The following KCNG3 variants were observed in gnomAD, a reference collection of about 807,000 sequenced individuals.
KCNG3 encodes the protein voltage-gated potassium channel regulatory subunit KCNG3.
A neutral mutation model predicts 29.0 loss-of-function variants in KCNG3; 15 were observed. That is an observed-to-expected ratio of 0.52 (90% CI 0.35 to 0.80). The LOEUF is 0.80. Among genes scored for constraint, KCNG3 ranks in the 30% least tolerant of loss-of-function variants. The probability of loss-of-function intolerance (pLI) is 0.01; values close to 1 mark genes in which losing one functional copy is unlikely to be tolerated. For missense variants in KCNG3, 512 were observed against 605.7 expected (o/e 0.85, Z 1.62); for synonymous variants, 322 against 248.9 (o/e 1.29, Z -2.76).
chr2:42,412,884 C>G, the KCNG3 span, among the ~76,000 whole-genome samples: 1 of 151,960 alleles, frequency 6.6e-6, no homozygotes, highest in Non-Finnish European at 1.5e-5. Flanking sequence ...TTTTCCATTC[C>G]TTTATTTTTA....
At chr2:42,480,943 G>T (rs969100791) in intron 1 of KCNG3, among the ~76,000 whole-genome samples, 2 of 151,952 alleles carry the variant, frequency 1.3e-5, no homozygotes, top group African/African-American at 4.8e-5. Flanking sequence ...ATCACACCTG[G>T]CTAATTTTTC....
chr2:42,428,929 G>A, the KCNG3 span, among the ~76,000 whole-genome samples: 1 of 152,028 alleles, frequency 6.6e-6, no homozygotes, highest in African/African-American at 2.4e-5. Context: ...GACCAGCCTG[G>A]TCAACATGGT....
At chr2:42,421,420 T>G in the KCNG3 span, among the ~76,000 whole-genome samples, 1 of 152,202 alleles carries the variant, frequency 6.6e-6, no homozygotes, top group Non-Finnish European at 1.5e-5. Flanking sequence ...AACTAAGACC[T>G]AAAGGATAAT....
the KCNG3 span, among the ~76,000 whole-genome samples, chr2:42,404,699 G>A: frequency 6.6e-6 from 1 of 152,190 alleles, no homozygotes; most frequent in Non-Finnish European, 1.5e-5. Flanking sequence ...CTGCACTCCA[G>A]CCTGGGCAAC....
chr2:42,412,869 T>C, the KCNG3 span, among the ~76,000 whole-genome samples: 3 of 152,184 alleles, frequency 2.0e-5, no homozygotes, highest in Non-Finnish European at 2.9e-5. Context: ...GCGTCTGAAA[T>C]ACCTTTTTCC....
intron 1 of KCNG3, among the ~76,000 whole-genome samples, chr2:42,480,211 G>C (rs1054242353): frequency 1.3e-5 from 2 of 151,504 alleles, no homozygotes; most frequent in Non-Finnish European, 3.0e-5. Flanking sequence ...TTGGATCCAA[G>C]GGCGCTTAGC....
At chr2:42,415,525 G>C in the KCNG3 span, 1 of 152,164 alleles carries the variant, frequency 6.6e-6, no homozygotes, top group South Asian at 2.1e-4. Flanking sequence ...AAAATGAAGA[G>C]GATGTGGCAC....
intron 1 of KCNG3, among the ~76,000 whole-genome samples, chr2:42,476,448 G>C (rs1232619027): frequency 6.6e-6 from 1 of 151,854 alleles, no homozygotes; most frequent in East Asian, 1.9e-4. Flanking sequence ...CTGTAATCCA[G>C]CCTGGACAAC....
chr2:42,489,382 T>C (rs990572411), intron 1 of KCNG3, among the ~76,000 whole-genome samples: 12 of 152,090 alleles, frequency 7.9e-5, no homozygotes, highest in Non-Finnish European at 1.6e-4. Flanking sequence ...GAGTGAGATC[T>C]CTTCTCAATC....
intron 1 of KCNG3, among the ~76,000 whole-genome samples, chr2:42,451,017 C>T (rs769153294): frequency 2.0e-4 from 31 of 151,812 alleles, no homozygotes; most frequent in Non-Finnish European, 8.8e-5. Flanking sequence ...CCAGCCTGGC[C>T]AACATGGTGA....
the KCNG3 span, among the ~76,000 whole-genome samples, chr2:42,404,949 C>T: frequency 8.5e-5 from 13 of 152,322 alleles, no homozygotes; most frequent in African/African-American, 2.4e-4. Context: ...CCCCCAAAGC[C>T]GGATCCTGGA....
At chr2:42,460,023 G>T (rs183466224) in intron 1 of KCNG3, among the ~76,000 whole-genome samples, 3 of 151,592 alleles carry the variant, frequency 2.0e-5, no homozygotes, top group African/African-American at 4.8e-5. Flanking sequence ...CCAGATGAAG[G>T]GTAAAACAGA....
At chr2:42,492,202 C>A (rs969876926) in intron 1 of KCNG3, among the ~76,000 whole-genome samples, 1 of 152,168 alleles carries the variant, frequency 6.6e-6, no homozygotes, top group Non-Finnish European at 1.5e-5. Context: ...CTGAAAGTCG[C>A]AGTGTGAATC....
chr2:42,388,961 A>G, the KCNG3 span, among the ~76,000 whole-genome samples: 1 of 152,084 alleles, frequency 6.6e-6, no homozygotes, highest in Non-Finnish European at 1.5e-5. Context: ...CCTGTCACCC[A>G]GGCTGGAATG....
intron 1 of KCNG3, among the ~76,000 whole-genome samples, chr2:42,469,529 A>G (rs1673233638): frequency 6.6e-6 from 1 of 152,120 alleles, no homozygotes; most frequent in Non-Finnish European, 1.5e-5. Flanking sequence ...ATACTGGACT[A>G]TTCTGTAGTG....
At chr2:42,478,658 C>T (rs1673502341) in intron 1 of KCNG3, among the ~76,000 whole-genome samples, 1 of 152,136 alleles carries the variant, frequency 6.6e-6, no homozygotes, top group Non-Finnish European at 1.5e-5. Flanking sequence ...TGGGACACCC[C>T]AGGCTGTGTT....
intron 1 of KCNG3, among the ~76,000 whole-genome samples, chr2:42,453,836 T>A (rs1672819453): frequency 1.3e-5 from 2 of 152,138 alleles, no homozygotes; most frequent in Non-Finnish European, 2.9e-5. Flanking sequence ...AGTTTCATAG[T>A]TTGAGGTCTT....
chr2:42,448,762 G>T (rs1175197653), intron 1 of KCNG3, among the ~76,000 whole-genome samples: 1 of 152,120 alleles, frequency 6.6e-6, no homozygotes. Context: ...GGCCGAAGCG[G>T]GCGGATCATG....
At chr2:42,418,870 T>C in the KCNG3 span, among the ~76,000 whole-genome samples, 2 of 152,196 alleles carry the variant, frequency 1.3e-5, no homozygotes, top group Non-Finnish European at 1.5e-5. Flanking sequence ...AATGAGAATC[T>C]TGCACATAAT....
Sources: gnomAD v4.1 joint callset for allele counts (sites outside exome capture counted in the v4.1 genomes callset) on GRCh38, gnomAD v4.1.1 for gene constraint, MANE v1.5 for transcripts, NCBI Gene and HGNC (gene_info 2026-07-23, HGNC 2026-07-21) for gene names.